ATP9B: variants seen among roughly 807,000 people sequenced by gnomAD.
The protein encoded by ATP9B is probable phospholipid-transporting ATPase IIB.
A neutral mutation model predicts 146.1 loss-of-function variants in ATP9B; 110 were observed. The observed-to-expected ratio is 0.75, with a 90% CI of 0.65 to 0.88. ATP9B has a LOEUF of 0.88. Among genes scored for constraint, ATP9B ranks in the 40% least tolerant of loss-of-function variants. ATP9B has a pLI of 0.00. For synonymous variants in ATP9B, 604 were observed against 569.7 expected (o/e 1.06, Z -0.86); for missense variants, 1,499 against 1,496.4 (o/e 1.00, Z -0.03).
intron 10 of ATP9B, among the ~76,000 whole-genome samples, chr18:79,212,560 A>G (rs1270159126): frequency 6.6e-6 from 1 of 152,190 alleles, no homozygotes; most frequent in African/African-American, 2.4e-5. Context: ...GTGATAATTT[A>G]ACATTAGTGG....
At chr18:79,312,562 G>C (rs2096658707) in intron 15 of ATP9B, among the ~76,000 whole-genome samples, 1 of 152,210 alleles carries the variant, frequency 6.6e-6, no homozygotes. Context: ...TGAGTAGCAG[G>C]CTTTATCTTC....
chr18:79,076,674 T>G (rs1442913316), intron 1 of ATP9B, among the ~76,000 whole-genome samples: 2 of 152,214 alleles, frequency 1.3e-5, no homozygotes, highest in Admixed American at 1.3e-4. Flanking sequence ...CTTAGTATCC[T>G]AATTCTATAA....
At chr18:79,256,069 A>T (rs555245402) in intron 12 of ATP9B, among the ~76,000 whole-genome samples, 5 of 151,542 alleles carry the variant, frequency 3.3e-5, no homozygotes, top group Admixed American at 6.6e-5. Context: ...AAAAATATAT[A>T]TTTTTTTACA....
intron 15 of ATP9B, among the ~76,000 whole-genome samples, chr18:79,317,739 G>A (rs988343780): frequency 1.3e-5 from 2 of 152,218 alleles, no homozygotes; most frequent in African/African-American, 4.8e-5. Flanking sequence ...CTGCCAAAGA[G>A]CAGTAAAAGA....
chr18:79,130,180 G>T (rs1042186483), intron 5 of ATP9B, among the ~76,000 whole-genome samples: 1 of 152,170 alleles, frequency 6.6e-6, no homozygotes, highest in Admixed American at 6.5e-5. Context: ...TAAATCAGCT[G>T]TCTTAAATGT....
At chr18:79,227,141 CCTCT>C (rs1159708855) in intron 11 of ATP9B, among the ~76,000 whole-genome samples, 1 of 152,112 alleles carries the variant, frequency 6.6e-6, no homozygotes, top group Non-Finnish European at 1.5e-5. Flanking sequence ...TTTAAGCTGG[CCTCT>C]CTGTCGTACT....
At chr18:79,371,730 C>T (rs1186692860) in intron 26 of ATP9B, among the ~76,000 whole-genome samples, 3 of 152,234 alleles carry the variant, frequency 2.0e-5, no homozygotes, top group Non-Finnish European at 4.4e-5. Context: ...TCACCATCCT[C>T]CATCTTCCCT....
chr18:79,344,067 A>C (rs748402717), intron 20 of ATP9B, 198 bp from the exon 21 acceptor site: 19 of 603,014 alleles, frequency 3.2e-5, no homozygotes, highest in African/African-American at 5.6e-5. Context: ...ATTGGCGTTA[A>C]CTGAGTGGAT....
chr18:79,354,697 G>A (rs961888246), intron 25 of ATP9B: 12 of 152,226 alleles, frequency 7.9e-5, no homozygotes, highest in African/African-American at 2.2e-4. Context: ...GGAAACAGAA[G>A]GCTCTGAGTG....
At position 79,317,948 on chromosome 18, in the gene ATP9B, G is replaced by A. The variant is rs117568128; in HGVS notation, c.1773+10714G>A. Among the ~76,000 whole-genome samples the A allele has an allele frequency of 3.9e-4, 59 of 152,364 alleles. 1 individual carries two copies. In the East Asian group the frequency reaches 8.7e-3, roughly 22 times the overall value. Reference sequence around the variant, plus strand: ...AAAAGCTGCCTGCATGGCAGGGGATGTGTCGGAGGGACACAGAAGCCAACT... The same window carrying A: ...AAAAGCTGCCTGCATGGCAGGGGATATGTCGGAGGGACACAGAAGCCAACT... On this transcript the variant is annotated intron_variant, in intron 15 of 29. Coordinates refer to ENST00000426216, the MANE Select transcript of ATP9B (RefSeq NM_198531.5).
intron 12 of ATP9B, among the ~76,000 whole-genome samples, chr18:79,261,420 G>A (rs1568520802): frequency 1.3e-5 from 2 of 152,110 alleles, no homozygotes; most frequent in South Asian, 2.1e-4. Flanking sequence ...GTGGGAATAC[G>A]CCAAGGAGAA....
chr18:79,330,606 G>T (rs539491561), intron 17 of ATP9B, among the ~76,000 whole-genome samples: 1 of 152,086 alleles, frequency 6.6e-6, no homozygotes, highest in South Asian at 2.1e-4. Context: ...GTAGAGACAG[G>T]GTTTCACCAT....
chr18:79,327,506 CT>C (rs2096756159), intron 15 of ATP9B, among the ~76,000 whole-genome samples: 38 of 135,196 alleles, frequency 2.8e-4, no homozygotes, highest in African/African-American at 9.7e-4. Context: ...TTAGTGTGCT[CT>C]CTCCATGGTT....
chr18:79,209,698 C>T, intron 10 of ATP9B: 1 of 984,060 alleles, frequency 1.0e-6, no homozygotes, highest in Non-Finnish European at 1.2e-6. Context: ...GCTTTAAAAC[C>T]ATCCACTCGA....
Position 79,359,346 on chromosome 18 carries a change from T to C in ATP9B, c.2904-8T>C. The C allele has an allele frequency of 6.2e-7, 1 of 1,604,344 alleles. No individual in the cohort carries two copies. Among genetic ancestry groups the C allele is most frequent in the Non-Finnish European group, 8.5e-7 (1 of 1,171,362 alleles). On this transcript the variant is annotated splice_polypyrimidine_tract_variant and splice_region_variant and intron_variant, in intron 25 of 29. Coordinates refer to ENST00000426216, the MANE Select transcript of ATP9B (RefSeq NM_198531.5). ...CACGCCCATTGCACTCCGCTCTTGG[T>C]CTTGCAGGTATGCCACCATATACAC... is the stretch of plus-strand genomic sequence containing the variant.
chr18:79,310,381 C>A (rs1599857235), intron 15 of ATP9B, among the ~76,000 whole-genome samples: 1 of 152,194 alleles, frequency 6.6e-6, no homozygotes, highest in African/African-American at 2.4e-5. Flanking sequence ...ATAACTAGAA[C>A]AGATTTGTAG....
chr18:79,246,654 C>G (rs549491674), intron 11 of ATP9B, among the ~76,000 whole-genome samples: 2 of 152,356 alleles, frequency 1.3e-5, no homozygotes, highest in African/African-American at 4.8e-5. Context: ...TGGCGCTTTC[C>G]AGAGAGCGGG....
intron 12 of ATP9B, among the ~76,000 whole-genome samples, chr18:79,276,003 A>G (rs2096304771): frequency 6.6e-6 from 1 of 152,222 alleles, no homozygotes; most frequent in Admixed American, 6.5e-5. Context: ...GTACTTATTA[A>G]TAGTTGAGCT....
intron 19 of ATP9B, 140 bp from the exon 20 acceptor site, chr18:79,342,128 G>T: frequency 1.5e-6 from 1 of 649,996 alleles, no homozygotes; most frequent in Non-Finnish European, 2.8e-6. Context: ...TGTATGTATG[G>T]AACACATTTT....
Sources: allele counts gnomAD v4.1 joint callset (sites outside exome capture counted in the v4.1 genomes callset), GRCh38; gene constraint gnomAD v4.1.1; transcripts MANE v1.5; gene names NCBI Gene and HGNC (gene_info 2026-07-23, HGNC 2026-07-21).